The following ZC3H18 variants were observed in gnomAD, a reference collection of about 807,000 sequenced individuals.
ZC3H18 encodes the protein zinc finger CCCH domain-containing protein 18.
Under a neutral mutation model 106.1 loss-of-function variants are expected in ZC3H18, and 8 were observed. The observed-to-expected ratio is 0.08, with a 90% CI of 0.04 to 0.14. The LOEUF is 0.14. Among genes scored for constraint, ZC3H18 ranks in the 10% least tolerant of loss-of-function variants. The probability of loss-of-function intolerance (pLI) is 1.00; values close to 1 mark genes in which losing one functional copy is unlikely to be tolerated. For missense variants in ZC3H18, 1,318 were observed against 1,278.4 expected, an observed-to-expected ratio of 1.03 and a Z score of -0.47; for synonymous variants, 635 against 522.1, an observed-to-expected ratio of 1.22 and a Z score of -2.95.
At chr16:88,625,818 C>A (rs938079044) in intron 13 of ZC3H18, 1 of 151,748 alleles carries the variant, frequency 6.6e-6, no homozygotes, top group Non-Finnish European at 1.5e-5. Context: ...GCAACATAGA[C>A]CCCATCTCCA....
chr16:88,614,948 G>A (rs1905489039), intron 8 of ZC3H18, among the ~76,000 whole-genome samples: 1 of 152,016 alleles, frequency 6.6e-6, no homozygotes, highest in Non-Finnish European at 1.5e-5. Context: ...CATTCCGTCT[G>A]CCTGGACGGG....
chr16:88,579,417 TAA>T (rs1291395359), intron 2 of ZC3H18, among the ~76,000 whole-genome samples: 1 of 152,122 alleles, frequency 6.6e-6, no homozygotes, highest in African/African-American at 2.4e-5. Flanking sequence ...TAGTTCCTCT[TAA>T]GAGGACTGGC....
At chr16:88,601,255 A>G (rs747879512) in intron 6 of ZC3H18, among the ~76,000 whole-genome samples, 9 of 152,218 alleles carry the variant, frequency 5.9e-5, no homozygotes, top group Non-Finnish European at 1.0e-4. Flanking sequence ...CACAGAAAGG[A>G]GCATTTGAGT....
chr16:88,622,320 C>T lies in ZC3H18; in HGVS notation c.1599C>T (p.Val533=). 1 of 1,613,850 alleles carries T rather than the reference C, an allele frequency of 6.2e-7. No individual in the cohort carries two copies. The highest frequency in any genetic ancestry group is 8.5e-7 in the Non-Finnish European group (1 of 1,179,868). ...CCAAGAAGAAACTCGGGGTGTCGGT[C>T]TCCCCGAGCCGGGCTCGAAGGCGTC... ...KSPKKKLGVS[V]SPSRARRRRK... is the part of the protein sequence containing the mutation. Residue 533 remains valine (V), a synonymous_variant, in exon 9 of 18, where the codon GTC becomes GTT. Transcript: ENST00000301011.
chr16:88,585,504 C>G (rs2142578103), intron 2 of ZC3H18, among the ~76,000 whole-genome samples: 1 of 152,344 alleles, frequency 6.6e-6, no homozygotes, highest in African/African-American at 2.4e-5. Flanking sequence ...CAAGGGTGCT[C>G]AGGTGTGGCT....
At chr16:88,619,163 A>G (rs1281147660) in intron 8 of ZC3H18, among the ~76,000 whole-genome samples, 3 of 152,016 alleles carry the variant, frequency 2.0e-5, no homozygotes, top group Admixed American at 6.6e-5. Context: ...TGCAGTGGAG[A>G]TAATGTCCAA....
At position 88,584,577 on chromosome 16, in the gene ZC3H18, C is replaced by A. The variant is rs1322377122; in HGVS notation, c.604-2023C>A. Among the ~76,000 whole-genome samples the A allele has an allele frequency of 2.0e-5, 3 of 152,302 alleles. No homozygotes were observed. The East Asian group carries it at 5.8e-4, about 29-fold the overall frequency. On this transcript the variant is annotated intron_variant, in intron 2 of 17. Coordinates refer to ENST00000301011, the MANE Select transcript of ZC3H18 (RefSeq NM_144604.4). ...TAACTGAAAGGGGCCATAAGCCCAG[C>A]ACACCAATATGTACAGCCCCTGGTC... is the stretch of plus-strand genomic sequence containing the variant.
At position 88,627,401 on chromosome 16, in the gene ZC3H18, C is replaced by T. The variant is rs1454368069; in HGVS notation, c.2109-221C>T. On this transcript the variant is annotated intron_variant, in intron 13 of 17. Transcript: ENST00000301011. This position sits in a 1 kb window ranked among gnomAD's most constrained non-coding sequence, Gnocchi z 4.5. ...TACAGGCGTGAGCAGCCGTGCCTGG[C>T]TGCAACCTGACATTGATTAGTGAAA... 3.8e-6 allele frequency: 2 copies of T among 523,664 alleles called. No individual in the cohort carries two copies. The highest frequency in any genetic ancestry group is 7.3e-5 in the Admixed American group (2 of 27,390). The allele number at this position is 523,664 out of a possible 1,614,324, so 32.4% of individuals were successfully genotyped here.
At chr16:88,612,695 T>A (rs973036422) in intron 8 of ZC3H18, among the ~76,000 whole-genome samples, 5 of 149,578 alleles carry the variant, frequency 3.3e-5, no homozygotes, top group Non-Finnish European at 5.9e-5. Context: ...AAAAAAAAAA[T>A]TAAAAATTGT....
chr16:88,599,330 G>A (rs1462986647), intron 5 of ZC3H18, among the ~76,000 whole-genome samples: 1 of 152,232 alleles, frequency 6.6e-6, no homozygotes, highest in African/African-American at 2.4e-5. Context: ...GTTGGCCCCA[G>A]TGTGTGAGCT....
At chr16:88,587,947 G>C (rs1039487297) in intron 3 of ZC3H18, among the ~76,000 whole-genome samples, 2 of 152,324 alleles carry the variant, frequency 1.3e-5, no homozygotes, top group African/African-American at 4.8e-5. Flanking sequence ...CTGTGGGTGT[G>C]TGCTTGCTTG....
intron 3 of ZC3H18, chr16:88,587,740 A>C (rs1479677834): frequency 1.6e-5 from 15 of 956,842 alleles, no homozygotes; most frequent in Non-Finnish European, 2.3e-5. Flanking sequence ...TTTGAGGGGC[A>C]GAGAGCTGTT....
chr16:88,576,183 G>A (rs1914735635), intron 1 of ZC3H18, among the ~76,000 whole-genome samples: 1 of 151,760 alleles, frequency 6.6e-6, no homozygotes, highest in South Asian at 2.1e-4. Context: ...TTACAGGTGT[G>A]AGCCACCGCG....
chr16:88,630,625 AGCCCCAGTC>A, intron 17 of ZC3H18, 44 bp downstream of exon 17: 1 of 1,535,940 alleles, frequency 6.5e-7, no homozygotes, highest in Non-Finnish European at 8.8e-7. Context: ...CGAGGGGGCC[AGCCCCAGTC>A]GCTTCCCCAG....
intron 13 of ZC3H18, 31 bp downstream of exon 13, chr16:88,625,298 T>C: frequency 6.4e-7 from 1 of 1,563,002 alleles, no homozygotes; most frequent in Non-Finnish European, 8.7e-7. Context: ...CCTCTGTTTC[T>C]CCCTCCCCGT....
chr16:88,595,474 C>CTTTTTT (rs11302563), intron 3 of ZC3H18, among the ~76,000 whole-genome samples: 5 of 133,562 alleles, frequency 3.7e-5, no homozygotes, highest in Non-Finnish European at 4.7e-5. Context: ...TTCTTTCTTT[C>CTTTTTT]TTTTTTTTTT....
At position 88,610,084 on chromosome 16, in the gene ZC3H18, C is replaced by G. The variant is rs369566405; in HGVS notation, c.1206+1033C>G. ...AGTCTGTTCCGGGCCTGCTGCACCT[C>G]ACTGCTCTCATGGAAGACTGGTCTA... On this transcript the variant is annotated intron_variant, in intron 7 of 17. Transcript: ENST00000301011. 8.9e-4 allele frequency among the ~76,000 whole-genome samples: 135 copies of G among 152,258 alleles called. 1 individual carries two copies. The South Asian group carries it at 0.027, about 30-fold the overall frequency.
intron 3 of ZC3H18, among the ~76,000 whole-genome samples, chr16:88,597,460 C>T (rs1904499154): frequency 6.6e-6 from 1 of 152,168 alleles, no homozygotes; most frequent in Non-Finnish European, 1.5e-5. Flanking sequence ...TGGTTTTAAA[C>T]AATGTGTACA....
chr16:88,583,079 T>C (rs1219044479), intron 2 of ZC3H18, among the ~76,000 whole-genome samples: 2 of 152,252 alleles, frequency 1.3e-5, no homozygotes. Context: ...CCGTGCCAGG[T>C]TGGGCCCGGG....
Sources: gnomAD v4.1 joint callset for allele counts (sites outside exome capture counted in the v4.1 genomes callset) on GRCh38, gnomAD v4.1.1 for gene constraint, Gnocchi (gnomAD v3.1) non-coding constraint, MANE v1.5 for transcripts, NCBI Gene and HGNC (gene_info 2026-07-23, HGNC 2026-07-21) for gene names.